MYO1B: variants seen among roughly 807,000 people sequenced by gnomAD.
MYO1B encodes myosin IB, also known as unconventional myosin-Ib.
In MYO1B, 72 loss-of-function variants were observed where a neutral mutation model predicts 159.7. The ratio of observed to expected loss-of-function variants is 0.45; its 90% CI spans 0.37 to 0.55. The LOEUF (loss-of-function observed/expected upper bound fraction) is 0.55, where lower values mean the gene tolerates loss of function less well. MYO1B is among the 20% of genes least tolerant of loss of function. The pLI is 0.00. For missense variants in MYO1B, 1,062 were observed against 1,364.8 expected, an observed-to-expected ratio of 0.78 and a Z score of 3.50; for synonymous variants, 468 against 473.8, an observed-to-expected ratio of 0.99 and a Z score of 0.16.
chr2:191,354,648 G>C (rs944126335), intron 7 of MYO1B, among the ~76,000 whole-genome samples: 1 of 152,056 alleles, frequency 6.6e-6, no homozygotes, highest in Non-Finnish European at 1.5e-5. Flanking sequence ...AAACTTAGTA[G>C]CAGAGTACAA....
chr2:191,352,287 C>T (rs1431985700), intron 7 of MYO1B, among the ~76,000 whole-genome samples: 4 of 152,152 alleles, frequency 2.6e-5, no homozygotes, highest in South Asian at 2.1e-4. Flanking sequence ...GCCTTTAGTG[C>T]TTTCTTTTTA....
chr2:191,258,955 T>A (rs985277151), intron 1 of MYO1B, among the ~76,000 whole-genome samples: 3 of 152,238 alleles, frequency 2.0e-5, no homozygotes, highest in African/African-American at 7.2e-5. Context: ...CTGTAGTACC[T>A]GACTATCTTC....
At chr2:191,295,012 C>G (rs1406373782) in intron 2 of MYO1B, among the ~76,000 whole-genome samples, 1 of 152,020 alleles carries the variant, frequency 6.6e-6, no homozygotes, top group African/African-American at 2.4e-5. Flanking sequence ...AAAAATGGTA[C>G]CTTTTGTGGG....
chr2:191,334,730 CT>C (rs1691716681), intron 4 of MYO1B, among the ~76,000 whole-genome samples: 1 of 152,102 alleles, frequency 6.6e-6, no homozygotes, highest in African/African-American at 2.4e-5. Flanking sequence ...TTAGGTGCTG[CT>C]TCAGGGAGGA....
chr2:191,412,142 T>C (rs1574642240), intron 27 of MYO1B, among the ~76,000 whole-genome samples: 1 of 152,368 alleles, frequency 6.6e-6, no homozygotes, highest in Non-Finnish European at 1.5e-5. Context: ...CTTGAGGTGA[T>C]ACATACTCCC....
At chr2:191,422,970 G>A (rs763653479) in intron 30 of MYO1B, among the ~76,000 whole-genome samples, 4 of 152,154 alleles carry the variant, frequency 2.6e-5, no homozygotes, top group Non-Finnish European at 4.4e-5. Flanking sequence ...GGCTAAATGA[G>A]GACTACTGGA....
intron 1 of MYO1B, among the ~76,000 whole-genome samples, chr2:191,257,422 G>A (rs903065954): frequency 1.3e-5 from 2 of 152,138 alleles, no homozygotes; most frequent in African/African-American, 4.8e-5. Context: ...TTTGGTATAT[G>A]TCAGAATTTT....
At chr2:191,265,706 G>A (rs746539360) in intron 1 of MYO1B, among the ~76,000 whole-genome samples, 28 of 152,116 alleles carry the variant, frequency 1.8e-4, no homozygotes, top group Non-Finnish European at 2.8e-4. Flanking sequence ...AATCTGCCTC[G>A]AAGGAACGCA....
intron 3 of MYO1B, among the ~76,000 whole-genome samples, chr2:191,304,060 TCTTGA>T (rs752186121): frequency 7.9e-5 from 12 of 152,172 alleles, no homozygotes; most frequent in Non-Finnish European, 1.8e-4. Flanking sequence ...TTAGAAAACT[TCTTGA>T]CTTAGGCGAG....
chr2:191,363,736 G>T lies in MYO1B; in HGVS notation c.774G>T (p.Met258Ile). 2 of 1,606,018 alleles carry T rather than the reference G, an allele frequency of 1.2e-6. No individual in the cohort carries two copies. Among genetic ancestry groups the T allele is most frequent in the Non-Finnish European group, 1.7e-6 (2 of 1,177,902 alleles). ...TTTTTTTCTCTCCCCAGAATGCCATGCAGATTGTGGGCTTTATGGATCATG... is the reference window on the plus strand; with the variant it reads ...TTTTTTTCTCTCCCCAGAATGCCATTCAGATTGTGGGCTTTATGGATCATG... ...AANFRTVRNA[M>I]QIVGFMDHEA... Residue 258 changes from methionine to isoleucine, a missense_variant, in exon 10 of 31, where the codon ATG becomes ATT. This residue lies in a region of MYO1B where 415 missense variants were observed against 544.0 expected (regional missense o/e 0.76). Coordinates refer to ENST00000392318, the MANE Select transcript of MYO1B (RefSeq NM_001130158.3).
At chr2:191,248,076 C>T (rs1685894135) in intron 1 of MYO1B, 4 of 965,218 alleles carry the variant, frequency 4.1e-6, no homozygotes, top group African/African-American at 1.8e-5. Context: ...AGCATTTGTC[C>T]TCCTTTGGGT....
intron 13 of MYO1B, among the ~76,000 whole-genome samples, chr2:191,378,157 G>A (rs1694826183): frequency 6.6e-6 from 1 of 152,104 alleles, no homozygotes; most frequent in African/African-American, 2.4e-5. Context: ...ATGTGTCCCT[G>A]GGGTGGGAAA....
chr2:191,408,484 T>C lies in MYO1B; in HGVS notation c.2631+295T>C, dbSNP rs188097500. 2.6e-5 allele frequency among the ~76,000 whole-genome samples: 4 copies of C among 152,276 alleles called. No homozygotes were observed. In the East Asian group the frequency reaches 5.8e-4, roughly 22 times the overall value. ...AGTGGATCCAAGAAAGCCATGACTTTACCCTGTGAAACTGCCATGAGCTGT... is the reference window on the plus strand; with the variant it reads ...AGTGGATCCAAGAAAGCCATGACTTCACCCTGTGAAACTGCCATGAGCTGT... On this transcript the variant is annotated intron_variant, in intron 25 of 30. Coordinates refer to ENST00000392318, the MANE Select transcript of MYO1B (RefSeq NM_001130158.3).
intron 1 of MYO1B, among the ~76,000 whole-genome samples, chr2:191,264,206 T>G (rs1686987194): frequency 6.6e-6 from 1 of 152,222 alleles, no homozygotes; most frequent in Non-Finnish European, 1.5e-5. Context: ...ATCAGTGTCT[T>G]TTTTGGAACA....
chr2:191,318,179 A>G (rs546319488), intron 3 of MYO1B, among the ~76,000 whole-genome samples: 17 of 152,336 alleles, frequency 1.1e-4, no homozygotes, highest in African/African-American at 3.6e-4. Context: ...ATAGGATTTT[A>G]TAGGTGTACA....
intron 7 of MYO1B, among the ~76,000 whole-genome samples, chr2:191,353,409 G>T (rs1024921397): frequency 6.6e-6 from 1 of 152,140 alleles, no homozygotes; most frequent in Non-Finnish European, 1.5e-5. Context: ...GGTACAAGTC[G>T]CAAGGGATTC....
chr2:191,274,167 A>G lies in MYO1B; in HGVS notation c.-9-2720A>G, dbSNP rs540472319. On this transcript the variant is annotated intron_variant, in intron 1 of 30. Transcript: ENST00000392318. ...AAAGCAAAACTGTTTGCATGATTCA[A>G]TGACTCTTGGTGTCACCTTTTCACT... Among the ~76,000 whole-genome samples, 426 of 152,306 alleles carry G rather than the reference A, an allele frequency of 2.8e-3. 9 individuals are homozygous for G. The highest frequency in any genetic ancestry group is 2.1e-3 in the South Asian group (10 of 4,822).
intron 11 of MYO1B, among the ~76,000 whole-genome samples, chr2:191,367,803 A>C (rs747857910): frequency 3.3e-5 from 5 of 152,356 alleles, no homozygotes; most frequent in South Asian, 2.1e-4. Context: ...ATGAGGTAGT[A>C]GTAGACGAAA....
At chr2:191,325,720 C>G (rs962909685) in intron 3 of MYO1B, among the ~76,000 whole-genome samples, 1 of 152,044 alleles carries the variant, frequency 6.6e-6, no homozygotes, top group Non-Finnish European at 1.5e-5. Context: ...GCCATTGTGT[C>G]TGATGGCCAT....
Sources: allele counts gnomAD v4.1 joint callset (sites outside exome capture counted in the v4.1 genomes callset), GRCh38; gene constraint gnomAD v4.1.1; regional missense constraint gnomAD v4.1.1; transcripts MANE v1.5; gene names NCBI Gene and HGNC (gene_info 2026-07-23, HGNC 2026-07-21).